NRG1: variants seen among roughly 807,000 people sequenced by gnomAD.
NRG1 encodes pro-neuregulin-1, membrane-bound isoform.
In NRG1, 18 loss-of-function variants were observed where a neutral mutation model predicts 63.8. That is an observed-to-expected ratio of 0.28 (90% CI 0.19 to 0.42). The LOEUF (loss-of-function observed/expected upper bound fraction) is 0.42, where lower values mean the gene tolerates loss of function less well. Ranked by LOEUF, NRG1 falls within the 10% of genes least tolerant of loss-of-function variation. NRG1 has a pLI of 1.00. For synonymous variants in NRG1, 302 were observed against 301.3 expected, an observed-to-expected ratio of 1.00 and a Z score of -0.02; for missense variants, 762 against 814.7, an observed-to-expected ratio of 0.94 and a Z score of 0.79.
intron 2 of NRG1, 83 bp from the exon 3 acceptor site, chr8:32,605,479 T>C (rs1845110989): frequency 6.5e-7 from 1 of 1,531,556 alleles, no homozygotes; most frequent in Non-Finnish European, 9.0e-7. Context: ...GTTTGAGAAC[T>C]CTGAAAGCAT....
chr8:31,671,421 G>A (rs549242438), intron 1 of NRG1, among the ~76,000 whole-genome samples: 60 of 152,146 alleles, frequency 3.9e-4, no homozygotes, highest in African/African-American at 1.3e-3. Flanking sequence ...TGGGGATAGC[G>A]GATTTTTATG....
intron 1 of NRG1, among the ~76,000 whole-genome samples, chr8:32,558,676 A>G (rs1312010820): frequency 6.6e-6 from 1 of 152,138 alleles, no homozygotes; most frequent in East Asian, 1.9e-4. Flanking sequence ...GTGATTTCAT[A>G]AAGTTACTCT....
intron 5 of NRG1, among the ~76,000 whole-genome samples, chr8:32,628,300 G>T (rs988413289): frequency 6.6e-6 from 1 of 152,196 alleles, no homozygotes; most frequent in South Asian, 2.1e-4. Flanking sequence ...CAGAAATTTT[G>T]TACATTTCTC....
rs566879971 is a variant in NRG1, at chr8:32,534,263, G to T, written c.38-61565G>T. 1.8e-4 allele frequency among the ~76,000 whole-genome samples: 27 copies of T among 152,156 alleles called. 1 individual carries two copies. In the South Asian group the frequency reaches 5.2e-3, roughly 29 times the overall value. On this transcript the variant is annotated intron_variant, in intron 1 of 10. Transcript: ENST00000519301. Reference sequence around the variant, plus strand: ...AAATCCATGCCTTGAAAAGTAAAAAGAACAGCAAAAACAGCTAGTTAGTCA... The same window carrying T: ...AAATCCATGCCTTGAAAAGTAAAAATAACAGCAAAAACAGCTAGTTAGTCA...
intron 1 of NRG1, among the ~76,000 whole-genome samples, chr8:32,197,143 T>C (rs1843042680): frequency 6.6e-6 from 1 of 151,652 alleles, no homozygotes; most frequent in South Asian, 2.1e-4. Flanking sequence ...TATTTTTTAG[T>C]ACAAAATGGG....
intron 1 of NRG1, among the ~76,000 whole-genome samples, chr8:32,349,619 G>C (rs781250170): frequency 6.6e-6 from 1 of 152,146 alleles, no homozygotes; most frequent in Non-Finnish European, 1.5e-5. Context: ...AGAAATCCTC[G>C]ATTTCCCATA....
chr8:32,259,132 C>A (rs1328635740), intron 1 of NRG1, among the ~76,000 whole-genome samples: 1 of 152,182 alleles, frequency 6.6e-6, no homozygotes, highest in Non-Finnish European at 1.5e-5. Context: ...TGAGACTTAC[C>A]TTCCAGACTG....
intron 1 of NRG1, among the ~76,000 whole-genome samples, chr8:31,775,154 C>A (rs1207953425): frequency 6.6e-6 from 1 of 152,208 alleles, no homozygotes. Flanking sequence ...ATATATTTAT[C>A]ACAGTACTAT....
intron 1 of NRG1, among the ~76,000 whole-genome samples, chr8:32,084,837 A>G (rs1214705814): frequency 6.6e-6 from 1 of 152,172 alleles, no homozygotes; most frequent in Non-Finnish European, 1.5e-5. Context: ...TGCAAAGTCA[A>G]GGTCAACACA....
At chr8:32,697,238 C>T (rs146270656) in intron 5 of NRG1, among the ~76,000 whole-genome samples, 25 of 152,288 alleles carry the variant, frequency 1.6e-4, no homozygotes, top group African/African-American at 5.8e-4. Context: ...AGAAGATAGC[C>T]GTGGGCTAGT....
intron 1 of NRG1, among the ~76,000 whole-genome samples, chr8:32,313,149 C>T (rs370083333): frequency 8.5e-5 from 13 of 152,200 alleles, no homozygotes; most frequent in East Asian, 5.8e-4. Flanking sequence ...AGTGAGATTC[C>T]GTCATATATA....
chr8:32,174,781 GGAA>G (rs1840503947), intron 1 of NRG1, among the ~76,000 whole-genome samples: 1 of 152,118 alleles, frequency 6.6e-6, no homozygotes, highest in South Asian at 2.1e-4. Flanking sequence ...GACTAAACCA[GGAA>G]GAAGTTGAAT....
chr8:32,768,393 A>G (rs946825488), downstream of NRG1, among the ~76,000 whole-genome samples: 40 of 152,244 alleles, frequency 2.6e-4, no homozygotes, highest in African/African-American at 9.6e-4. Context: ...CCAATGGCCC[A>G]TAGTGGCCTA....
At chr8:31,656,022 T>C (rs1041380815) in intron 1 of NRG1, among the ~76,000 whole-genome samples, 1 of 152,190 alleles carries the variant, frequency 6.6e-6, no homozygotes, top group Non-Finnish European at 1.5e-5. Context: ...CATGTGCTTG[T>C]TTGGAGCTGG....
intron 1 of NRG1, among the ~76,000 whole-genome samples, chr8:32,291,737 G>A (rs936305585): frequency 4.0e-5 from 6 of 151,794 alleles, no homozygotes; most frequent in African/African-American, 1.5e-4. Flanking sequence ...TAGAAATGGG[G>A]TTTCACCATG....
chr8:32,169,186 T>C (rs1226680574), intron 1 of NRG1, among the ~76,000 whole-genome samples: 1 of 152,160 alleles, frequency 6.6e-6, no homozygotes, highest in Non-Finnish European at 1.5e-5. Flanking sequence ...ACCTGAAACT[T>C]GGTAGACTCC....
At chr8:32,491,487 G>T (rs1345626888) in intron 1 of NRG1, among the ~76,000 whole-genome samples, 1 of 152,180 alleles carries the variant, frequency 6.6e-6, no homozygotes, top group Non-Finnish European at 1.5e-5. Context: ...TTGTGAGACT[G>T]GGAGTTTATG....
At chr8:32,381,598 T>TG (rs1422479911) in intron 1 of NRG1, among the ~76,000 whole-genome samples, 1 of 152,206 alleles carries the variant, frequency 6.6e-6, no homozygotes, top group Non-Finnish European at 1.5e-5. Flanking sequence ...CTGATAATAC[T>TG]GGGGGACCAA....
chr8:32,468,223 A>G (rs867404738), intron 1 of NRG1, among the ~76,000 whole-genome samples: 4 of 152,208 alleles, frequency 2.6e-5, no homozygotes, highest in South Asian at 4.1e-4. Context: ...AGTTACCCTG[A>G]TGCAGAATAA....
Sources: allele counts gnomAD v4.1 joint callset (sites outside exome capture counted in the v4.1 genomes callset), GRCh38; gene constraint gnomAD v4.1.1; transcripts MANE v1.5; gene names NCBI Gene and HGNC (gene_info 2026-07-23, HGNC 2026-07-21).